Variants in STXBP5L observed in about 807,000 individuals in gnomAD.
STXBP5L encodes the protein syntaxin binding protein 5L.
A neutral mutation model predicts 144.5 loss-of-function variants in STXBP5L; 65 were observed. That is an observed-to-expected ratio of 0.45 (90% CI 0.37 to 0.55). STXBP5L has a LOEUF of 0.55. STXBP5L is among the 20% of genes least tolerant of loss of function. The pLI is 0.00. For missense variants in STXBP5L, 1,298 were observed against 1,405.5 expected, an observed-to-expected ratio of 0.92 and a Z score of 1.22; for synonymous variants, 505 against 469.6, an observed-to-expected ratio of 1.08 and a Z score of -0.97.
In STXBP5L at chr3:121,420,718, T is replaced by A. The variant is rs1311837193; in HGVS notation, c.*1621T>A. 1 of 152,188 alleles carries A rather than the reference T, an allele frequency of 6.6e-6. No individual in the cohort carries two copies. The highest frequency in any genetic ancestry group is 1.5e-5 in the Non-Finnish European group (1 of 68,024). 9.4% of individuals were successfully genotyped at this position (152,188 alleles called of 1,614,324 possible). A position where few individuals can be genotyped will look rare whatever the true frequency, so the allele number is the denominator to read the frequency against. Reference sequence around the variant, plus strand: ...TTTGTTTATCAAGGTCTCATTGGATTTACATTTGTGTTTCTTAAGACTTCA... The same window carrying A: ...TTTGTTTATCAAGGTCTCATTGGATATACATTTGTGTTTCTTAAGACTTCA... On this transcript the variant is annotated 3_prime_UTR_variant, in exon 27 of 27. Transcript: ENST00000471454.
chr3:121,197,185 T>A (rs147141855), intron 9 of STXBP5L, among the ~76,000 whole-genome samples: 80 of 152,306 alleles, frequency 5.3e-4, no homozygotes, highest in African/African-American at 1.8e-3. Context: ...TCCTTACGGC[T>A]GCTATTTCCA....
At chr3:120,951,337 AAAAG>A (rs1711210522) in intron 2 of STXBP5L, among the ~76,000 whole-genome samples, 2 of 152,260 alleles carry the variant, frequency 1.3e-5, no homozygotes, top group African/African-American at 4.8e-5. Context: ...ACTGCACAGC[AAAAG>A]AAACTACCAT....
intron 3 of STXBP5L, among the ~76,000 whole-genome samples, chr3:120,980,583 C>A (rs1041213413): frequency 6.6e-6 from 1 of 151,500 alleles, no homozygotes; most frequent in African/African-American, 2.4e-5. Flanking sequence ...GACTTTGAGT[C>A]TTTAAATATC....
intron 20 of STXBP5L, among the ~76,000 whole-genome samples, chr3:121,360,901 T>A (rs1187056884): frequency 2.0e-5 from 3 of 152,128 alleles, no homozygotes; most frequent in Non-Finnish European, 4.4e-5. Context: ...TACCTTCAGG[T>A]GGTTATATAT....
At chr3:121,012,440 TA>T (rs1259453745) in intron 3 of STXBP5L, among the ~76,000 whole-genome samples, 5 of 151,818 alleles carry the variant, frequency 3.3e-5, no homozygotes, top group African/African-American at 1.2e-4. Flanking sequence ...AGCAATGTGT[TA>T]GATCTTAAAT....
intron 3 of STXBP5L, among the ~76,000 whole-genome samples, chr3:120,991,273 A>G (rs1470620366): frequency 6.6e-6 from 1 of 151,650 alleles, no homozygotes; most frequent in East Asian, 1.9e-4. Context: ...AATCAAAACC[A>G]CAATGAGATA....
At chr3:121,227,816 T>C (rs28860789) in intron 11 of STXBP5L, among the ~76,000 whole-genome samples, 15,072 of 152,094 alleles carry the variant, frequency 0.099, 1,178 homozygotes, top group Admixed American at 0.2. Context: ...TTTTATACAA[T>C]TTTACACTTT....
intron 5 of STXBP5L, among the ~76,000 whole-genome samples, chr3:121,053,162 A>G (rs1948160955): frequency 6.6e-6 from 1 of 152,180 alleles, no homozygotes; most frequent in Admixed American, 6.5e-5. Context: ...AAATGGCCAT[A>G]TTGCCCAAGA....
chr3:120,973,164 ATG>A (rs1940480281), intron 3 of STXBP5L, among the ~76,000 whole-genome samples: 1 of 152,038 alleles, frequency 6.6e-6, no homozygotes, highest in African/African-American at 2.4e-5. Flanking sequence ...TTTTTTGTAA[ATG>A]TGGTATAATT....
intron 19 of STXBP5L, among the ~76,000 whole-genome samples, chr3:121,312,458 T>C (rs2043571947): frequency 1.9e-5 from 2 of 103,292 alleles, no homozygotes; most frequent in Non-Finnish European, 4.0e-5. Context: ...TTTTTTTTTT[T>C]TTTTTTTTTT....
At chr3:121,089,526 AT>A (rs10713183) in intron 5 of STXBP5L, among the ~76,000 whole-genome samples, 142,970 of 150,862 alleles carry the variant, frequency 0.95, 67,767 homozygotes, top group Non-Finnish European at 0.95. Flanking sequence ...TGCTTTAAAG[AT>A]TTTTTTTTTC....
In STXBP5L at chr3:121,262,862, CCTGGGGGAAGGGGTGG is replaced by C. The variant is rs373203402; in HGVS notation, c.1958+3698_1958+3713del. ...ACTCCCATCTCCCTGGGACAGAGCACCTGGGGGAAGGGGTGGCTGTGGGCACAGTTTCAGCAGACTT... is the reference window on the plus strand; with the variant it reads ...ACTCCCATCTCCCTGGGACAGAGCACCTGTGGGCACAGTTTCAGCAGACTT... On this transcript the variant is annotated intron_variant, in intron 18 of 26. Coordinates refer to ENST00000471454, the MANE Select transcript of STXBP5L (RefSeq NM_001308330.2). 1.2e-4 allele frequency among the ~76,000 whole-genome samples: 18 copies of C among 152,302 alleles called. No individual in the cohort carries two copies. In the East Asian group the frequency reaches 3.5e-3, roughly 29 times the overall value.
intron 3 of STXBP5L, among the ~76,000 whole-genome samples, chr3:121,012,606 A>G (rs1410969681): frequency 2.0e-5 from 3 of 151,596 alleles, no homozygotes; most frequent in African/African-American, 4.8e-5. Context: ...TCATGCATTT[A>G]TTGTCAGTTT....
chr3:121,365,462 A>C (rs1322778440), intron 20 of STXBP5L, among the ~76,000 whole-genome samples: 1 of 151,472 alleles, frequency 6.6e-6, no homozygotes, highest in East Asian at 1.9e-4. Flanking sequence ...ACTAGTTATA[A>C]GTCTATTCAC....
At chr3:121,132,778 AAG>A (rs2107903036) in intron 7 of STXBP5L, among the ~76,000 whole-genome samples, 1 of 152,314 alleles carries the variant, frequency 6.6e-6, no homozygotes, top group East Asian at 1.9e-4. Context: ...ATTTTCAGGA[AAG>A]AGAAAATATT....
chr3:121,090,779 TA>T (rs1396549205), intron 5 of STXBP5L, among the ~76,000 whole-genome samples: 9 of 152,268 alleles, frequency 5.9e-5, no homozygotes, highest in African/African-American at 2.2e-4. Context: ...TTTTATTTTT[TA>T]TTTTTTTATT....
intron 19 of STXBP5L, among the ~76,000 whole-genome samples, chr3:121,310,468 G>C (rs2108510418): frequency 6.6e-6 from 1 of 152,310 alleles, no homozygotes; most frequent in South Asian, 2.1e-4. Context: ...AAATTAGCCA[G>C]GCATGGTGGC....
intron 5 of STXBP5L, among the ~76,000 whole-genome samples, chr3:121,098,709 G>A (rs575130405): frequency 1.2e-4 from 18 of 152,268 alleles, no homozygotes; most frequent in Admixed American, 2.6e-4. Flanking sequence ...GGCCTGGCCT[G>A]CTCCACTTGC....
intron 3 of STXBP5L, among the ~76,000 whole-genome samples, chr3:120,961,015 G>C (rs966574610): frequency 3.3e-5 from 5 of 151,824 alleles, no homozygotes; most frequent in Admixed American, 2.6e-4. Context: ...TTTTTGATCT[G>C]TTCAGGATAT....
Sources: allele counts gnomAD v4.1 joint callset (sites outside exome capture counted in the v4.1 genomes callset), GRCh38; gene constraint gnomAD v4.1.1; transcripts MANE v1.5; gene names NCBI Gene and HGNC (gene_info 2026-07-23, HGNC 2026-07-21).